The following PERM1 variants were observed in gnomAD, a reference collection of about 807,000 sequenced individuals.
PERM1 encodes the protein PPARGC1 and ESRR induced regulator, muscle 1.
Under a neutral mutation model 44.1 loss-of-function variants are expected in PERM1, and 45 were observed. That is an observed-to-expected ratio of 1.02 (90% CI 0.80 to 1.31). The LOEUF (loss-of-function observed/expected upper bound fraction) is 1.31. Ranked by LOEUF, PERM1 falls within the 50% of genes most tolerant of loss-of-function variation. The pLI, the probability that PERM1 is intolerant of heterozygous loss-of-function variation, is 0.00. For missense variants in PERM1, 1,189 were observed against 1,106.9 expected (o/e 1.07, Z -1.05); for synonymous variants, 565 against 477.1 (o/e 1.18, Z -2.40).
upstream of PERM1, chr1:981,945 G>C (rs1643799995): frequency 1.2e-6 from 1 of 804,092 alleles, no homozygotes; most frequent in Non-Finnish European, 1.8e-6. Context: ...GGAGGCCAGG[G>C]CATGGTGGCT....
At chr1:980,527 C>G (rs1265984470) in exon 1 of PERM1, 1 of 1,471,644 alleles carries the variant, frequency 6.8e-7, no homozygotes. Flanking sequence ...ATCGGGGGGC[C>G]TCTGGGAGCC....
upstream of PERM1, among the ~76,000 whole-genome samples, chr1:981,485 A>T (rs1480945689): frequency 1.3e-5 from 2 of 152,344 alleles, no homozygotes; most frequent in Non-Finnish European, 1.5e-5. Context: ...GGTCCACCCG[A>T]TGGGACCAGT....
chr1:976,263 A>G, exon 3 of PERM1: 1 of 1,519,226 alleles, frequency 6.6e-7, no homozygotes. Context: ...GACGTTGGCC[A>G]GCAAGGCTGC....
chr1:980,517 A>C, exon 1 of PERM1: 1 of 1,477,500 alleles, frequency 6.8e-7, no homozygotes, highest in Non-Finnish European at 9.0e-7. Flanking sequence ...CTCCAGGGCT[A>C]TCGGGGGGCC....
chr1:978,617 T>G (rs1040887615), intron 1 of PERM1, among the ~76,000 whole-genome samples: 2 of 152,194 alleles, frequency 1.3e-5, no homozygotes, highest in African/African-American at 2.4e-5. Context: ...TGCCAGAGGC[T>G]GGGGGAGGGA....
At chr1:980,152 C>T (rs570750775) in exon 1 of PERM1, 1 of 1,550,388 alleles carries the variant, frequency 6.4e-7, no homozygotes, top group Admixed American at 2.0e-5. Context: ...TGACTTAGCC[C>T]TTGAGACATC....
chr1:976,439 T>A, intron 2 of PERM1, 60 bp downstream of exon 3: 1 of 1,548,356 alleles, frequency 6.5e-7, no homozygotes, highest in Non-Finnish European at 8.7e-7. Context: ...CCCCTCGTCC[T>A]GCCAGCGCCC....
At chr1:980,618 T>C (rs1285429623) in exon 1 of PERM1, 1 of 1,446,582 alleles carries the variant, frequency 6.9e-7, no homozygotes, top group Non-Finnish European at 9.1e-7. Flanking sequence ...AGCCTCTGCA[T>C]CTGGTCTCCA....
chr1:978,775 G>C (rs1257180197), intron 1 of PERM1, 106 bp downstream of exon 2: 1 of 1,087,180 alleles, frequency 9.2e-7, no homozygotes, highest in Non-Finnish European at 1.3e-6. Flanking sequence ...GCTAGGGGAT[G>C]ACCCAAGCCC....
chr1:975,398 C>T (rs1643561506), exon 3 of PERM1: 1 of 152,256 alleles, frequency 6.6e-6, no homozygotes, highest in South Asian at 2.1e-4. Flanking sequence ...CCCACAGGAG[C>T]CCCCGGGACA....
chr1:976,093 G>C (rs1489706730), exon 3 of PERM1: 19 of 1,388,818 alleles, frequency 1.4e-5, no homozygotes, highest in Admixed American at 9.5e-5. Context: ...GAGGGCCCGG[G>C]CGAGGGCGGC....
exon 1 of PERM1, chr1:978,893 G>A (rs1168294186): frequency 1.3e-6 from 2 of 1,492,068 alleles, no homozygotes; most frequent in Non-Finnish European, 1.8e-6. Context: ...GCCCGTCTAA[G>A]AGCCAGGTGG....
chr1:976,379 G>A, intron 2 of PERM1, 110 bp from the exon 4 acceptor site: 1 of 1,497,224 alleles, frequency 6.7e-7, no homozygotes, highest in Non-Finnish European at 8.9e-7. Flanking sequence ...CAGGGCCGCA[G>A]CTCAGCCTGG....
Position 978,839 on chromosome 1 carries a change from T to G in PERM1, c.2149+42A>C, listed in dbSNP as rs1643696446. The G allele has an allele frequency of 2.8e-6, 4 of 1,431,284 alleles. No individual in the cohort carries two copies. In the Admixed American group the frequency reaches 1.1e-4, roughly 40 times the overall value. The allele number at this position is 1,431,284 out of a possible 1,614,324, so 88.7% of individuals were successfully genotyped here. ...TTGGCCAAGATCCCTGGACAGTGTG[T>G]GCCTGGGATCTGGACGGGCTGTGGG... On this transcript the variant is annotated intron_variant, in intron 1 of 2. Transcript: ENST00000433179.
At chr1:975,890 G>A (rs899805696) in exon 3 of PERM1, 1 of 431,222 alleles carries the variant, frequency 2.3e-6, no homozygotes, top group Non-Finnish European at 4.1e-6. Flanking sequence ...TTAACCGAAT[G>A]CCCTGTGTTC....
chr1:979,447 GGGGCTGAGGGCC>G, exon 1 of PERM1: 1 of 1,544,206 alleles, frequency 6.5e-7, no homozygotes, highest in Non-Finnish European at 8.7e-7. Flanking sequence ...TGCTGTCTGG[GGGGCTGAGGGCC>G]GGGCTGAGGC....
chr1:980,305 G>A lies in PERM1; in HGVS notation c.725C>T (p.Ser242Phe), dbSNP rs775007648. The change falls in exon 1 of 3, where the codon TCC becomes TTC. Residue 242 changes from serine (S) to phenylalanine (F), a missense_variant. Around this residue, in one of 3 missense-constraint regions of PERM1, gnomAD observed 900 missense variants for 760.4 expected, o/e 1.18. Transcript: ENST00000433179. ...CCCTGGTCTGTCTTCCTGCACAGGG[G>A]ACCTGGGGCCAGGCTCAGGAGCTCC... 113 of 1,550,192 alleles carry A rather than the reference G, an allele frequency of 7.3e-5. 2 individuals are homozygous for A. In the South Asian group the frequency reaches 1.0e-3, roughly 14 times the overall value.
chr1:982,074 G>A (rs751529225), upstream of PERM1: 513 of 1,288,124 alleles, frequency 4.0e-4, 1 homozygote, highest in Admixed American at 4.8e-4. Flanking sequence ...CCTGGGTCCC[G>A]GCGGCCGAGC....
chr1:976,168 G>A (rs1028040958), exon 3 of PERM1: 6 of 1,546,120 alleles, frequency 3.9e-6, no homozygotes, highest in Admixed American at 2.0e-5. Flanking sequence ...CCCGGGCCTG[G>A]CTCCTAGGAG....
Sources: gnomAD v4.1 joint callset for allele counts (sites outside exome capture counted in the v4.1 genomes callset) on GRCh38, gnomAD v4.1.1 for gene constraint, gnomAD v4.1.1 regional missense constraint, MANE v1.5 for transcripts, NCBI Gene and HGNC (gene_info 2026-07-23, HGNC 2026-07-21) for gene names.